DGKH: variants seen among roughly 807,000 people sequenced by gnomAD.
DGKH encodes DAG kinase eta.
Under a neutral mutation model 159.3 loss-of-function variants are expected in DGKH, and 90 were observed. That is an observed-to-expected ratio of 0.57 (90% CI 0.48 to 0.67). The LOEUF is 0.67. Among genes scored for constraint, DGKH ranks in the 30% least tolerant of loss-of-function variants. The probability of loss-of-function intolerance (pLI) is 0.00; values close to 1 mark genes in which losing one functional copy is unlikely to be tolerated. For missense variants in DGKH, 1,181 were observed against 1,506.1 expected (o/e 0.78, Z 3.57); for synonymous variants, 536 against 553.8 (o/e 0.97, Z 0.45).
chr13:42,185,204 G>T (rs1184774786), intron 13 of DGKH, among the ~76,000 whole-genome samples: 1 of 152,064 alleles, frequency 6.6e-6, no homozygotes, highest in Non-Finnish European at 1.5e-5. Context: ...TATAATAAAA[G>T]GTTACTTCAT....
intron 16 of DGKH, among the ~76,000 whole-genome samples, chr13:42,192,597 C>CTCT (rs72081789): frequency 1.3e-4 from 19 of 148,442 alleles, no homozygotes; most frequent in African/African-American, 4.5e-4. Context: ...TTTCCTCTTC[C>CTCT]TCTTCTTCTT....
chr13:42,246,044 G>T (rs1380635537), downstream of DGKH, among the ~76,000 whole-genome samples: 2 of 152,190 alleles, frequency 1.3e-5, no homozygotes, highest in Non-Finnish European at 2.9e-5. Flanking sequence ...GTACTAGCAA[G>T]TTAGAATTTT....
At chr13:42,214,798 C>T (rs1298423097) in intron 25 of DGKH, among the ~76,000 whole-genome samples, 186 bp downstream of exon 25, 1 of 152,108 alleles carries the variant, frequency 6.6e-6, no homozygotes, top group Non-Finnish European at 1.5e-5. Flanking sequence ...TTCATTCCTG[C>T]TCTTAAATTC....
chr13:42,048,779 A>G lies in DGKH; in HGVS notation c.6A>G (p.Ala2=). The G allele has an allele frequency of 1.5e-6, 2 of 1,300,076 alleles. No homozygotes were observed. The highest frequency in any genetic ancestry group is 9.8e-7 in the Non-Finnish European group (1 of 1,019,298). The allele number at this position is 1,300,076 out of a possible 1,614,324, so 80.5% of individuals were successfully genotyped here. The change falls in exon 1 of 30, where the codon GCA becomes GCG. Residue 2 remains alanine (A), a synonymous_variant. Coordinates refer to ENST00000337343, the MANE Select transcript of DGKH (RefSeq NM_178009.5). This position sits in a 1 kb window ranked among gnomAD's most constrained non-coding sequence, Gnocchi z 6.7. Reference sequence around the variant, plus strand: ...CCCCGCAGGAGTCGGAGAGGATGGCAGGGGCCGGAGGCCAGCACCACCCTC... The same window carrying G: ...CCCCGCAGGAGTCGGAGAGGATGGCGGGGGCCGGAGGCCAGCACCACCCTC... The part of the protein sequence containing the change: M[A]GAGGQHHPPG...
At chr13:42,048,094 C>T (rs1880928067), upstream of DGKH, among the ~76,000 whole-genome samples, 1 of 35,160 alleles carries the variant, frequency 2.8e-5, no homozygotes, top group Admixed American at 4.5e-4. The surrounding 1 kb of genome is among the most constrained non-coding windows in gnomAD (Gnocchi z 6.7). Context: ...CTGGCGGAGG[C>T]GGGAGAGGTA....
intron 24 of DGKH, among the ~76,000 whole-genome samples, chr13:42,213,524 T>C (rs1017979748): frequency 2.0e-5 from 3 of 152,230 alleles, no homozygotes; most frequent in African/African-American, 7.2e-5. Context: ...ATCTCTGTTC[T>C]TCTGAAAAAT....
chr13:42,248,220 G>A (rs1303594984), intron 29 of DGKH, among the ~76,000 whole-genome samples: 1 of 152,116 alleles, frequency 6.6e-6, no homozygotes. Flanking sequence ...CCAGGAGTTC[G>A]AGACCAGCAT....
Position 42,231,130 on chromosome 13 carries a change from A to G in DGKH, c.*1942A>G, listed in dbSNP as rs1958281461. The G allele has an allele frequency of 6.6e-6, 1 of 152,138 alleles. No individual in the cohort carries two copies. The highest frequency in any genetic ancestry group is 1.5e-5 in the Non-Finnish European group (1 of 68,064). 9.4% of individuals were successfully genotyped at this position (152,138 alleles called of 1,614,324 possible). ...AGCACTTCGGGAGGTTTAGGTGGGT[A>G]GATCACCGGAGGTCAGGAGTTCGAG... On this transcript the variant is annotated 3_prime_UTR_variant, in exon 30 of 30. Transcript: ENST00000337343.
At chr13:42,205,938 G>T (rs762795355) in intron 20 of DGKH, 101 bp from the exon 21 acceptor site, 28 of 552,216 alleles carry the variant, frequency 5.1e-5, no homozygotes, top group Non-Finnish European at 7.6e-5. Flanking sequence ...AACACACTGT[G>T]CTCCATTGTC....
chr13:42,145,198 G>T (rs150722588), intron 3 of DGKH, among the ~76,000 whole-genome samples: 2 of 152,124 alleles, frequency 1.3e-5, no homozygotes, highest in Admixed American at 6.5e-5. Flanking sequence ...TTTAAGCTTC[G>T]CTGAGCCCAA....
At chr13:42,050,995 G>T (rs1232099873) in intron 1 of DGKH, among the ~76,000 whole-genome samples, 1 of 152,184 alleles carries the variant, frequency 6.6e-6, no homozygotes, top group Non-Finnish European at 1.5e-5. Context: ...GCTCTAAATT[G>T]AATTGAATCA....
At chr13:42,214,447 A>C (rs1594220949) in intron 24 of DGKH, 60 bp from the exon 25 acceptor site, 1 of 1,429,082 alleles carries the variant, frequency 7.0e-7, no homozygotes, top group African/African-American at 1.4e-5. Flanking sequence ...TCTATACTTC[A>C]AAAAAAATGA....
At chr13:42,248,192 C>A (rs1204939281) in intron 29 of DGKH, among the ~76,000 whole-genome samples, 1 of 152,128 alleles carries the variant, frequency 6.6e-6, no homozygotes. Flanking sequence ...GAGGCCCAGG[C>A]AGGCCTATCA....
intron 13 of DGKH, among the ~76,000 whole-genome samples, chr13:42,179,025 G>A (rs1956677510): frequency 6.6e-6 from 1 of 152,208 alleles, no homozygotes; most frequent in African/African-American, 2.4e-5. Context: ...GTTGAGGAAA[G>A]ACAAGATCAA....
chr13:42,116,154 T>C (rs541827110), intron 1 of DGKH, among the ~76,000 whole-genome samples: 1 of 152,268 alleles, frequency 6.6e-6, no homozygotes, highest in South Asian at 2.1e-4. Context: ...CTATAGAGGC[T>C]TAGTTTGACC....
chr13:42,129,044 C>T (rs941212677), intron 2 of DGKH, among the ~76,000 whole-genome samples: 91 of 152,194 alleles, frequency 6.0e-4, no homozygotes, highest in Non-Finnish European at 7.1e-4. Context: ...AAAAGGTCAT[C>T]TGCTACTTGC....
chr13:42,249,203 G>A (rs755020409), intron 29 of DGKH, among the ~76,000 whole-genome samples: 1 of 152,076 alleles, frequency 6.6e-6, no homozygotes, highest in African/African-American at 2.4e-5. Context: ...CAGAAACTCA[G>A]CCTCTACAAA....
chr13:42,206,143 T>C lies in DGKH; in HGVS notation c.2598T>C (p.Asp866=), dbSNP rs118005579. ...ACTTTTGGGGTGGAACTAAAGAGGA[T>C]GATGTAAGTAATGGGAGTAAATAGT... ...GTNFWGGTKE[D]DIFAAPSFDD... is the part of the protein sequence containing the mutation. The change falls in exon 21 of 30, where the codon GAT becomes GAC. Residue 866 remains aspartate (D), a synonymous_variant. Transcript: ENST00000337343. The C allele has an allele frequency of 1.4e-3, 1,934 of 1,413,396 alleles. 38 individuals carry two copies. The East Asian group carries it at 0.039, about 29-fold the overall frequency. 87.6% of individuals were successfully genotyped at this position (1,413,396 alleles called of 1,614,324 possible). A position where few individuals can be genotyped will look rare whatever the true frequency, so the allele number is the denominator to read the frequency against.
intron 24 of DGKH, among the ~76,000 whole-genome samples, chr13:42,213,197 A>G (rs1457728797): frequency 6.6e-6 from 1 of 152,196 alleles, no homozygotes; most frequent in Non-Finnish European, 1.5e-5. Context: ...ATGATAGACT[A>G]AAGCAGTAAA....
Sources: allele counts gnomAD v4.1 joint callset (sites outside exome capture counted in the v4.1 genomes callset), GRCh38; gene constraint gnomAD v4.1.1; non-coding constraint Gnocchi (gnomAD v3.1); transcripts MANE v1.5; gene names NCBI Gene and HGNC (gene_info 2026-07-23, HGNC 2026-07-21).